The following SLIT3 variants were observed in gnomAD, a reference collection of about 807,000 sequenced individuals.
The protein encoded by SLIT3 is slit homolog 3 protein.
SLIT3 carries 68 observed loss-of-function variants against 184.0 expected under a neutral mutation model. The ratio of observed to expected loss-of-function variants is 0.37; its 90% CI spans 0.30 to 0.45. SLIT3 has a LOEUF of 0.45. Ranked by LOEUF, SLIT3 falls within the 20% of genes least tolerant of loss-of-function variation. The pLI is 1.00. For missense variants in SLIT3, 1,707 were observed against 2,026.0 expected, an observed-to-expected ratio of 0.84 and a Z score of 3.02; for synonymous variants, 831 against 828.6, an observed-to-expected ratio of 1.00 and a Z score of -0.05.
At chr5:168,817,270 A>G (rs1231995752) in intron 8 of SLIT3, 30 bp downstream of exon 8, 7 of 1,610,602 alleles carry the variant, frequency 4.3e-6, no homozygotes, top group Non-Finnish European at 5.1e-6. Context: ...GTCATAGCAC[A>G]GGAGGGGAGA....
chr5:169,179,276 C>CT (rs370270230), intron 4 of SLIT3, among the ~76,000 whole-genome samples: 47,901 of 124,670 alleles, frequency 0.38, 9,528 homozygotes, highest in East Asian at 0.5. Context: ...ATTCCTTTTT[C>CT]TTTTTTTTTT....
chr5:169,083,645 G>A (rs1561652593), intron 4 of SLIT3, among the ~76,000 whole-genome samples: 1 of 152,254 alleles, frequency 6.6e-6, no homozygotes, highest in East Asian at 1.9e-4. Context: ...ACTCAATCTG[G>A]GCTCAGCGGG....
rs1754618965 is a variant in SLIT3, at chr5:168,749,494, G to A, written c.2115C>T (p.Ala705=). 6.2e-7 allele frequency: 1 copy of A among 1,614,160 alleles called. No homozygotes were observed. The highest frequency in any genetic ancestry group is 1.7e-5 in the Admixed American group (1 of 60,020). ...TACCATCACAGGTGAAGTCCTGGAT[G>A]GCCACATCCTGGATGGGAATCTCCT... ...FLKEIPIQDV[A]IQDFTCDGNE... The change falls in exon 19 of 36, where the codon GCC becomes GCT. Residue 705 remains alanine (A), a synonymous_variant. Transcript: ENST00000519560.
intron 25 of SLIT3, 94 bp from the exon 26 acceptor site, chr5:168,708,194 C>A: frequency 6.4e-7 from 1 of 1,556,266 alleles, no homozygotes; most frequent in South Asian, 1.2e-5. Flanking sequence ...CCTCAGCCAG[C>A]GCCAGCCCCT....
At chr5:168,842,846 A>C (rs911843816) in intron 6 of SLIT3, among the ~76,000 whole-genome samples, 2 of 152,196 alleles carry the variant, frequency 1.3e-5, no homozygotes, top group African/African-American at 2.4e-5. Flanking sequence ...TCTCTTCCCA[A>C]GGAATTTTCT....
intron 4 of SLIT3, among the ~76,000 whole-genome samples, chr5:169,055,025 G>A (rs72826581): frequency 0.013 from 1,977 of 152,228 alleles, 13 homozygotes; most frequent in Non-Finnish European, 0.014. Flanking sequence ...AAAATGGTAG[G>A]AAATTAGTAA....
At chr5:169,293,614 T>C (rs944314545) in intron 1 of SLIT3, among the ~76,000 whole-genome samples, 1 of 152,182 alleles carries the variant, frequency 6.6e-6, no homozygotes, top group Non-Finnish European at 1.5e-5. Flanking sequence ...ATTATTATTA[T>C]TCCCATTTTG....
At chr5:168,782,795 T>A (rs2113566738) in intron 12 of SLIT3, among the ~76,000 whole-genome samples, 1 of 152,282 alleles carries the variant, frequency 6.6e-6, no homozygotes, top group East Asian at 1.9e-4. Flanking sequence ...GGAGGGAAGC[T>A]GACAGATTAC....
chr5:169,053,601 A>T (rs754611977), intron 4 of SLIT3, among the ~76,000 whole-genome samples: 1 of 152,166 alleles, frequency 6.6e-6, no homozygotes, highest in African/African-American at 2.4e-5. Flanking sequence ...AAATCTGGGA[A>T]TCTTTCTAGA....
chr5:168,671,249 C>G lies in SLIT3; in HGVS notation c.4076G>C (p.Trp1359Ser), dbSNP rs1379010657. ...CTCCTGATCGCAGAGTGGGCCGGTC[C>G]AGCCTGGGCGGCACTCGCACACCAC... The part of the protein sequence containing the change: ...DSVVCECRPG[W>S]TGPLCDQEAR... The change falls in exon 34 of 36, where the codon TGG becomes TCG. Residue 1359 changes from tryptophan (W) to serine (S), a missense_variant. Physicochemically the swap from Trp to Ser is radical, Grantham distance 177. Coordinates refer to ENST00000519560, the MANE Select transcript of SLIT3 (RefSeq NM_003062.4). The G allele has an allele frequency of 7.4e-6, 12 of 1,612,934 alleles. No individual in the cohort carries two copies. Among genetic ancestry groups the G allele is most frequent in the Non-Finnish European group, 1.0e-5 (12 of 1,179,630 alleles).
chr5:168,911,466 A>T (rs1361671747), intron 4 of SLIT3, among the ~76,000 whole-genome samples: 1 of 152,232 alleles, frequency 6.6e-6, no homozygotes, highest in Non-Finnish European at 1.5e-5. Context: ...CTGATTAAAA[A>T]CAGGGTTTCA....
chr5:169,217,735 A>T (rs896759344), intron 3 of SLIT3, among the ~76,000 whole-genome samples: 1 of 152,206 alleles, frequency 6.6e-6, no homozygotes, highest in Non-Finnish European at 1.5e-5. Flanking sequence ...CCGCTCTGTG[A>T]TTCTAACCCC....
At chr5:169,250,493 G>A (rs548628661) in intron 2 of SLIT3, among the ~76,000 whole-genome samples, 104 of 152,280 alleles carry the variant, frequency 6.8e-4, no homozygotes, top group African/African-American at 2.3e-3. Context: ...AGCTAATTCC[G>A]AATCAGGACC....
intron 1 of SLIT3, among the ~76,000 whole-genome samples, chr5:169,279,331 G>C (rs1423698237): frequency 6.6e-6 from 1 of 152,200 alleles, no homozygotes; most frequent in Non-Finnish European, 1.5e-5. Context: ...TATTGAGCAA[G>C]GGGCTAGGTG....
chr5:169,173,398 A>C (rs868595650), intron 4 of SLIT3, among the ~76,000 whole-genome samples: 2 of 152,216 alleles, frequency 1.3e-5, no homozygotes, highest in Admixed American at 1.3e-4. Context: ...TGAAAGGAGT[A>C]CGTAAGGAGT....
intron 12 of SLIT3, among the ~76,000 whole-genome samples, chr5:168,785,439 G>A (rs886636314): frequency 1.3e-5 from 2 of 152,194 alleles, no homozygotes; most frequent in African/African-American, 4.8e-5. Context: ...GATTCACACT[G>A]GTGACTGATT....
chr5:168,796,581 A>C (rs1195098699), intron 9 of SLIT3, among the ~76,000 whole-genome samples: 1 of 152,136 alleles, frequency 6.6e-6, no homozygotes, highest in East Asian at 1.9e-4. Context: ...CACACAAAAA[A>C]GTGTGTGTGG....
In SLIT3 at chr5:168,713,367, A is replaced by G. The variant is rs1361969676; in HGVS notation, c.2484-1013T>C. On this transcript the variant is annotated intron_variant, in intron 23 of 35. Coordinates refer to ENST00000519560, the MANE Select transcript of SLIT3 (RefSeq NM_003062.4). ...AATGCCTGGAGGATAGGTGCATGAA[A>G]AACCTCAATGAACACTGCTCCGTGC... 3.3e-5 allele frequency among the ~76,000 whole-genome samples: 5 copies of G among 152,250 alleles called. No homozygotes were observed. In the East Asian group the frequency reaches 9.6e-4, roughly 29 times the overall value.
chr5:169,235,196 A>C (rs6868649), intron 3 of SLIT3, among the ~76,000 whole-genome samples: 6,009 of 152,198 alleles, frequency 0.039, 399 homozygotes, highest in African/African-American at 0.14. Flanking sequence ...ACTTTCTCTT[A>C]AATCCCTTTA....
Sources: gnomAD v4.1 joint callset for allele counts (sites outside exome capture counted in the v4.1 genomes callset) on GRCh38, gnomAD v4.1.1 for gene constraint, MANE v1.5 for transcripts, NCBI Gene and HGNC (gene_info 2026-07-23, HGNC 2026-07-21) for gene names.